Variants in AGAP2 observed in about 807,000 individuals in gnomAD.
The protein encoded by AGAP2 is arf-GAP with GTPase, ANK repeat and PH domain-containing protein 2.
A neutral mutation model predicts 110.9 loss-of-function variants in AGAP2; 32 were observed. The ratio of observed to expected loss-of-function variants is 0.29; its 90% CI spans 0.22 to 0.39. The LOEUF (loss-of-function observed/expected upper bound fraction) is 0.39. Among genes scored for constraint, AGAP2 ranks in the 10% least tolerant of loss-of-function variants. The pLI is 1.00. For missense variants in AGAP2, 1,285 were observed against 1,638.5 expected (o/e 0.78, Z 3.72); for synonymous variants, 702 against 713.0 (o/e 0.98, Z 0.25).
At chr12:57,732,806 C>T (rs1459788862) in intron 6 of AGAP2, 39 bp downstream of exon 6, 6 of 1,611,942 alleles carry the variant, frequency 3.7e-6, no homozygotes, top group Non-Finnish European at 5.1e-6. Context: ...AGGCCCCTTG[C>T]TCTGGCTTCC....
rs1467188469 is a variant in AGAP2 at position 57,731,090 on chromosome 12, G to C, written c.2146-137C>G. 3 of 977,146 alleles carry C rather than the reference G, an allele frequency of 3.1e-6. No individual in the cohort carries two copies. In the Admixed American group the frequency reaches 8.7e-5, roughly 28 times the overall value. The allele number at this position is 977,146 out of a possible 1,614,324, so 60.5% of individuals were successfully genotyped here. The stretch of plus-strand genomic sequence containing the variant: ...AATGGGTTGTGATGAACATCTAGGG[G>C]ATGGGCCCATCAGACTTGGCCCAGC... On this transcript the variant is annotated intron_variant, in intron 10 of 18. Transcript: ENST00000547588.
chr12:57,742,075 G>GC, upstream of AGAP2: 1 of 1,613,348 alleles, frequency 6.2e-7, no homozygotes, highest in Non-Finnish European at 8.5e-7. Flanking sequence ...CATGCATGTT[G>GC]CCCAGACCTG....
chr12:57,732,658 G>A lies in AGAP2; in HGVS notation c.1685-146C>T, dbSNP rs1368927320. 12 of 1,321,728 alleles carry A rather than the reference G, an allele frequency of 9.1e-6. No individual in the cohort carries two copies. In the East Asian group the frequency reaches 2.8e-4, roughly 31 times the overall value. The allele number at this position is 1,321,728 out of a possible 1,614,324, so 81.9% of individuals were successfully genotyped here. A position where few individuals can be genotyped will look rare whatever the true frequency, so the allele number is the denominator to read the frequency against. On this transcript the variant is annotated intron_variant, in intron 6 of 18. Transcript: ENST00000547588. ...CTCCATGCCACCTGTGGCCTTGCCA[G>A]CTCCTCCAGCCCAGAAAGACCTTGC...
chr12:57,729,595 A>T, intron 13 of AGAP2, 44 bp downstream of exon 13: 1 of 1,589,104 alleles, frequency 6.3e-7, no homozygotes, highest in Non-Finnish European at 8.6e-7. Context: ...GATGTTGGGG[A>T]TGAGGGTTCT....
At chr12:57,733,429 G>A (rs3893002) in intron 5 of AGAP2, among the ~76,000 whole-genome samples, 15,805 of 152,146 alleles carry the variant, frequency 0.1, 1,098 homozygotes, top group Admixed American at 0.21. Context: ...GCAAGCAACA[G>A]GTGGAGATAG....
chr12:57,734,844 TG>T (rs1175265300), intron 2 of AGAP2, among the ~76,000 whole-genome samples, 165 bp from the exon 3 acceptor site: 7 of 151,716 alleles, frequency 4.6e-5, no homozygotes, highest in African/African-American at 1.7e-4. Context: ...TCAGAGCAGC[TG>T]GGGGGATCAG....
chr12:57,730,613 T>C lies in AGAP2; in HGVS notation c.2310A>G (p.Glu770=), dbSNP rs747609405. The change falls in exon 12 of 19, where the codon GAA becomes GAG. Residue 770 remains glutamate (E), a splice_region_variant and synonymous_variant. Transcript: ENST00000547588. ...TAGGGCTTGGCATGGGAGTAGTGGC[T>C]TCTGTCGGAAGAAGATGAAACCTCA... ...MSTVQMGEGL[E]ATTPMPSPSP... is the part of the protein sequence containing the mutation. 1 of 1,612,668 alleles carries C rather than the reference T, an allele frequency of 6.2e-7. No homozygotes were observed. The highest frequency in any genetic ancestry group is 1.1e-5 in the South Asian group (1 of 90,998).
rs1483631893 is a variant in AGAP2, at chr12:57,726,046, A to T, written c.*506T>A. Reference sequence around the variant, plus strand: ...CTTGCCCCCTTCACTGGGCAGTGAGATGAGCATGGAAGGGGTAGGGTTTCC... The same window carrying T: ...CTTGCCCCCTTCACTGGGCAGTGAGTTGAGCATGGAAGGGGTAGGGTTTCC... On this transcript the variant is annotated 3_prime_UTR_variant, in exon 19 of 19. Coordinates refer to ENST00000547588, the MANE Select transcript of AGAP2 (RefSeq NM_001122772.3). The surrounding 1 kb of genome is among the most constrained non-coding windows in gnomAD (Gnocchi z 5.7). 1.3e-5 allele frequency: 2 copies of T among 152,024 alleles called. No homozygotes were observed. The highest frequency in any genetic ancestry group is 2.9e-5 in the Non-Finnish European group (2 of 68,038). The allele number at this position is 152,024 out of a possible 1,614,324, so 9.4% of individuals were successfully genotyped here.
chr12:57,727,286 C>T, intron 17 of AGAP2, 57 bp from the exon 18 acceptor site: 1 of 1,611,216 alleles, frequency 6.2e-7, no homozygotes, highest in Non-Finnish European at 8.5e-7. Context: ...AGGACTTCTG[C>T]CCCTACCCAC....
rs1410291944 is a variant in AGAP2, at chr12:57,727,770, A to T, written c.2768T>A (p.Leu923Gln). 1.1e-5 allele frequency: 17 copies of T among 1,577,452 alleles called. No homozygotes were observed. Among genetic ancestry groups the T allele is most frequent in the Non-Finnish European group, 1.4e-5 (16 of 1,160,530 alleles). ...LQCCESSKVK[L>Q]RTDSQSEAVA... ...GGCCTCGCTTTGGCTGTCTGTGCGCAGCTGCAGAGAGGGTTTGGGTTGGCA... is the reference window on the plus strand; with the variant it reads ...GGCCTCGCTTTGGCTGTCTGTGCGCTGCTGCAGAGAGGGTTTGGGTTGGCA... Residue 923 changes from leucine to glutamine, a missense_variant and splice_region_variant, in exon 16 of 19, where the codon CTG (leucine) becomes CAG (glutamine). This residue lies in a region of AGAP2 where 25 missense variants were observed against 67.5 expected (regional missense o/e 0.37). Coordinates refer to ENST00000547588, the MANE Select transcript of AGAP2 (RefSeq NM_001122772.3).
In AGAP2 at chr12:57,737,864, C is replaced by T. The variant is rs1204715996; in HGVS notation, c.383G>A (p.Ser128Asn). The T allele has an allele frequency of 4.1e-6, 6 of 1,445,860 alleles. No homozygotes were observed. Among genetic ancestry groups the T allele is most frequent in the Non-Finnish European group, 5.4e-6 (6 of 1,113,284 alleles). 89.6% of individuals were successfully genotyped at this position (1,445,860 alleles called of 1,614,324 possible). A position where few individuals can be genotyped will look rare whatever the true frequency, so the allele number is the denominator to read the frequency against. The change falls in exon 1 of 19, where the codon AGC becomes AAC. Residue 128 changes from serine to asparagine, a missense_variant. Physicochemically the swap from Ser to Asn is conservative, Grantham distance 46. This residue lies in a region of AGAP2 where 844 missense variants were observed against 941.2 expected (regional missense o/e 0.90). Coordinates refer to ENST00000547588, the MANE Select transcript of AGAP2 (RefSeq NM_001122772.3). This position sits in a 1 kb window ranked among gnomAD's most constrained non-coding sequence, Gnocchi z 5.9. ...GGCGCCCCCAGGCTTGGGGTCGGGG[C>T]TCAGTCCCCCGGAGAGCGGGGGTCC... The part of the protein sequence containing the change: ...PPGPPLSGGL[S>N]PDPKPGGAPT...
In AGAP2 at chr12:57,726,961, C is replaced by A. The variant is rs749616066; in HGVS notation, c.3336+13G>T. 6.5e-7 allele frequency: 1 copy of A among 1,540,768 alleles called. No homozygotes were observed. The highest frequency in any genetic ancestry group is 8.7e-7 in the Non-Finnish European group (1 of 1,145,626). Reference sequence around the variant, plus strand: ...GCCTCAAAGACCCCCTTTCCTCCCCCCAGCTCACGTACCCACAGCAGCAGT... The same window carrying A: ...GCCTCAAAGACCCCCTTTCCTCCCCACAGCTCACGTACCCACAGCAGCAGT... On this transcript the variant is annotated intron_variant, in intron 18 of 18. Coordinates refer to ENST00000547588, the MANE Select transcript of AGAP2 (RefSeq NM_001122772.3). This position sits in a 1 kb window ranked among gnomAD's most constrained non-coding sequence, Gnocchi z 5.7.
At chr12:57,727,852 C>A in intron 15 of AGAP2, 81 bp from the exon 16 acceptor site, 3 of 1,597,090 alleles carry the variant, frequency 1.9e-6, no homozygotes, top group Non-Finnish European at 1.7e-6. Context: ...TCCTCTCACA[C>A]GACTTCGGCC....
Position 57,738,242 on chromosome 12 carries a change from C to T in AGAP2, c.5G>A (p.Ser2Asn). M[S>N]RGAGALQRRT... ...GCGCTGAAGCGCGCCCGCGCCCCGGCTCATGGGGCCCGGAGACCCCCGAGC... is the reference window on the plus strand; with the variant it reads ...GCGCTGAAGCGCGCCCGCGCCCCGGTTCATGGGGCCCGGAGACCCCCGAGC... Residue 2 changes from serine to asparagine, a missense_variant, in exon 1 of 19, where the codon AGC becomes AAC. Physicochemically the swap from Ser to Asn is conservative, Grantham distance 46. This residue lies in a region of AGAP2 where 844 missense variants were observed against 941.2 expected (regional missense o/e 0.90). Coordinates refer to ENST00000547588, the MANE Select transcript of AGAP2 (RefSeq NM_001122772.3). This position sits in a 1 kb window ranked among gnomAD's most constrained non-coding sequence, Gnocchi z 6.7. 6.6e-7 allele frequency: 1 copy of T among 1,513,194 alleles called. No individual in the cohort carries two copies. Among genetic ancestry groups the T allele is most frequent in the South Asian group, 1.2e-5 (1 of 82,970 alleles). The allele number at this position is 1,513,194 out of a possible 1,614,324, so 93.7% of individuals were successfully genotyped here.
At chr12:57,732,346 T>A in intron 7 of AGAP2, 57 bp downstream of exon 7, 1 of 1,484,284 alleles carries the variant, frequency 6.7e-7, no homozygotes, top group South Asian at 1.2e-5. Context: ...TGTCCTAGGA[T>A]CCCCAGCCCC....
intron 6 of AGAP2, 140 bp from the exon 7 acceptor site, chr12:57,732,652 T>C: frequency 7.6e-7 from 1 of 1,313,918 alleles, no homozygotes; most frequent in Middle Eastern, 1.9e-4. Context: ...ACCTGTGGCC[T>C]TGCCAGCTCC....
Position 57,726,818 on chromosome 12 carries a change from G to T in AGAP2, c.3337-24C>A, listed in dbSNP as rs976812135. 7.0e-7 allele frequency: 1 copy of T among 1,428,970 alleles called. No individual in the cohort carries two copies. Among genetic ancestry groups the T allele is most frequent in the South Asian group, 1.5e-5 (1 of 67,384 alleles). 88.5% of individuals were successfully genotyped at this position (1,428,970 alleles called of 1,614,324 possible). On this transcript the variant is annotated intron_variant, in intron 18 of 18. Transcript: ENST00000547588. The surrounding 1 kb of genome is among the most constrained non-coding windows in gnomAD (Gnocchi z 5.7). ...TACTAGAGGGCGGAAACGGCCGCGT[G>T]ACCGCGCGTCCCCAGGGCGCCCACA...
upstream of AGAP2, chr12:57,742,154 C>T: frequency 6.7e-7 from 1 of 1,497,044 alleles, no homozygotes; most frequent in Non-Finnish European, 9.1e-7. Context: ...CCTCAGAAGG[C>T]CCCTTCTGCT....
At chr12:57,725,117 C>T (rs564884774), downstream of AGAP2, 4 of 153,334 alleles carry the variant, frequency 2.6e-5, no homozygotes, top group African/African-American at 9.6e-5. Flanking sequence ...CTCTGCCTGT[C>T]CCTGTCCAAC....
Sources: gnomAD v4.1 joint callset for allele counts (sites outside exome capture counted in the v4.1 genomes callset) on GRCh38, gnomAD v4.1.1 for gene constraint, gnomAD v4.1.1 regional missense constraint, Gnocchi (gnomAD v3.1) non-coding constraint, MANE v1.5 for transcripts, NCBI Gene and HGNC (gene_info 2026-07-23, HGNC 2026-07-21) for gene names.